The following SLC7A9 variants were observed in gnomAD, a reference collection of about 807,000 sequenced individuals.
SLC7A9 encodes the protein solute carrier family 7 member 9.
A neutral mutation model predicts 54.1 loss-of-function variants in SLC7A9; 38 were observed. The observed-to-expected ratio is 0.70, with a 90% confidence interval of 0.54 to 0.92. The LOEUF (loss-of-function observed/expected upper bound fraction) is 0.92. SLC7A9 is among the 40% of genes least tolerant of loss of function. The pLI, the probability that SLC7A9 is intolerant of heterozygous loss-of-function variation, is 0.00. For missense variants in SLC7A9, 537 were observed against 636.1 expected, an observed-to-expected ratio of 0.84 and a Z score of 1.68; for synonymous variants, 264 against 258.9, an observed-to-expected ratio of 1.02 and a Z score of -0.19.
chr19:32,834,659 A>G (rs189635917), intron 11 of SLC7A9, among the ~76,000 whole-genome samples: 2 of 152,124 alleles, frequency 1.3e-5, no homozygotes, highest in Non-Finnish European at 2.9e-5. Flanking sequence ...GGGTGATTGG[A>G]GTACTCATTA....
At chr19:32,864,032 G>A (rs978763573) in intron 4 of SLC7A9, 64 bp downstream of exon 4, 18 of 1,609,524 alleles carry the variant, frequency 1.1e-5, no homozygotes, top group Admixed American at 3.3e-5. Context: ...AGCTGAGGGC[G>A]GAGTCCCCAG....
chr19:32,862,663 TTTTTA>T (rs1396291424), intron 4 of SLC7A9, 77 bp from the exon 5 acceptor site: 5 of 1,310,324 alleles, frequency 3.8e-6, no homozygotes, highest in East Asian at 2.8e-5. Context: ...TTTTATATAT[TTTTTA>T]TTTTTTTTTT....
At chr19:32,835,076 C>T (rs1215878816) in intron 11 of SLC7A9, among the ~76,000 whole-genome samples, 1 of 152,228 alleles carries the variant, frequency 6.6e-6, no homozygotes, top group Non-Finnish European at 1.5e-5. Flanking sequence ...AGGCATGAGC[C>T]AATCACACCC....
chr19:32,855,154 G>A (rs1453668623), intron 9 of SLC7A9, among the ~76,000 whole-genome samples: 2 of 152,180 alleles, frequency 1.3e-5, no homozygotes, highest in Non-Finnish European at 2.9e-5. Context: ...TGACAACAGA[G>A]ATGACTCTAG....
rs1294838201 is a variant in SLC7A9, at chr19:32,864,121, CACA to C, written c.450_452del (p.Val151del). 1.9e-6 allele frequency: 3 copies of C among 1,614,086 alleles called. No homozygotes were observed. The highest frequency in any genetic ancestry group is 1.1e-5 in the South Asian group (1 of 91,086). On this transcript the variant is annotated inframe_deletion, in exon 4 of 13. Coordinates refer to ENST00000023064, the MANE Select transcript of SLC7A9 (RefSeq NM_014270.5). ...AGATGGCGGCGGCGGCCAGGCATTT[CACA>C]ACGATTTGAGGAGGCTTGCAGCCCA...
At chr19:32,854,202 A>G (rs1361977878) in intron 9 of SLC7A9, among the ~76,000 whole-genome samples, 1 of 152,016 alleles carries the variant, frequency 6.6e-6, no homozygotes, top group Non-Finnish European at 1.5e-5. Context: ...TTTTGTAGAC[A>G]TGGGGTCTCA....
At chr19:32,863,487 G>A (rs1274071898) in intron 4 of SLC7A9, among the ~76,000 whole-genome samples, 1 of 151,968 alleles carries the variant, frequency 6.6e-6, no homozygotes, top group African/African-American at 2.4e-5. Flanking sequence ...AGCCTCCCAC[G>A]TAGCTGGGAC....
chr19:32,859,815 G>T (rs375756026), intron 8 of SLC7A9, 26 bp downstream of exon 8: 1 of 1,588,714 alleles, frequency 6.3e-7, no homozygotes, highest in African/African-American at 1.3e-5. Context: ...CACAGCCCCC[G>T]CCAGCAGCGA....
chr19:32,854,467 T>C (rs913587225), intron 9 of SLC7A9, among the ~76,000 whole-genome samples: 1 of 152,110 alleles, frequency 6.6e-6, no homozygotes, highest in African/African-American at 2.4e-5. Flanking sequence ...CAGAATGAAA[T>C]TGGACCCTTA....
At chr19:32,864,401 C>G in intron 3 of SLC7A9, 63 bp from the exon 4 acceptor site, 2 of 1,606,536 alleles carry the variant, frequency 1.2e-6, no homozygotes, top group Non-Finnish European at 1.7e-6. Context: ...CCCCAGGGAG[C>G]CTTCCTCCCA....
Position 32,862,466 on chromosome 19 carries a change from G to T in SLC7A9, c.599C>A (p.Ala200Asp), listed in dbSNP as rs768883865. Residue 200 changes from alanine (A) to aspartate (D), a missense_variant, in exon 5 of 13, where the codon GCC (alanine) becomes GAC (aspartate). Coordinates refer to ENST00000023064, the MANE Select transcript of SLC7A9 (RefSeq NM_014270.5). The stretch of plus-strand genomic sequence containing the variant: ...CCCACCCTCCCGTGGGTCACCTTGG[G>T]CCAGGAGCACCAGCCCGCTGATGAT... ...IIIISGLVLL[A>D]QGNTKNFDNS... is the part of the protein sequence containing the mutation. 6.2e-7 allele frequency: 1 copy of T among 1,612,878 alleles called. No individual in the cohort carries two copies. The highest frequency in any genetic ancestry group is 1.1e-5 in the South Asian group (1 of 91,006).
rs1267924211 is a variant in SLC7A9, at chr19:32,830,559, A to G, written c.*61T>C. ...ATTCGTAAGAAAAAAAGGAAGAAATAACCACAAATATTGCTTAAGAAAATA... is the reference window on the plus strand; with the variant it reads ...ATTCGTAAGAAAAAAAGGAAGAAATGACCACAAATATTGCTTAAGAAAATA... On this transcript the variant is annotated 3_prime_UTR_variant, in exon 13 of 13. Coordinates refer to ENST00000023064, the MANE Select transcript of SLC7A9 (RefSeq NM_014270.5). 1 of 1,281,750 alleles carries G rather than the reference A, an allele frequency of 7.8e-7. No homozygotes were observed. The highest frequency in any genetic ancestry group is 1.1e-6 in the Non-Finnish European group (1 of 877,790). 79.4% of individuals were successfully genotyped at this position (1,281,750 alleles called of 1,614,324 possible).
chr19:32,833,441 A>G (rs1967866811), intron 11 of SLC7A9, 118 bp from the exon 12 acceptor site: 2 of 934,790 alleles, frequency 2.1e-6, no homozygotes, highest in Non-Finnish European at 3.4e-6. Context: ...AATTTCAATC[A>G]TTTTAATGTA....
At position 32,864,249 on chromosome 19, in the gene SLC7A9, C is replaced by T. The variant is rs750849536; in HGVS notation, c.325G>A (p.Ala109Thr). Residue 109 changes from alanine (A) to threonine (T), a missense_variant, in exon 4 of 13, where the codon GCC becomes ACC. Physicochemically the swap from Ala to Thr is moderately conservative, Grantham distance 58. Transcript: ENST00000023064. ...YLMEAYGPIPAYLFSWASLIV... is the reference protein window; with the variant it reads ...YLMEAYGPIPTYLFSWASLIV... ...AGGCTGGCCCAGGAGAAGAGGTAGGCGGGGATGGGCCCGTAGGCCTCCATC... is the reference window on the plus strand; with the variant it reads ...AGGCTGGCCCAGGAGAAGAGGTAGGTGGGGATGGGCCCGTAGGCCTCCATC... 2.4e-5 allele frequency: 38 copies of T among 1,614,018 alleles called. No homozygotes were observed. The highest frequency in any genetic ancestry group is 2.9e-5 in the Non-Finnish European group (34 of 1,180,018).
chr19:32,864,646 C>A lies in SLC7A9; in HGVS notation c.218G>T (p.Gly73Val). The A allele has an allele frequency of 6.2e-7, 1 of 1,613,902 alleles. No individual in the cohort carries two copies. Among genetic ancestry groups the A allele is most frequent in the Non-Finnish European group, 8.5e-7 (1 of 1,180,040 alleles). ...GPCLIIWAACGVLATLGALCF... is the reference protein window; with the variant it reads ...GPCLIIWAACVVLATLGALCF... The stretch of plus-strand genomic sequence containing the variant: ...CTCTTTACCCAGCGTCGCGAGGACC[C>A]CGCAAGCCGCCCATATGATGAGGCA... The change falls in exon 3 of 13, where the codon GGG (glycine) becomes GTG (valine). Residue 73 changes from glycine (G) to valine (V), a missense_variant. Coordinates refer to ENST00000023064, the MANE Select transcript of SLC7A9 (RefSeq NM_014270.5).
intron 1 of SLC7A9, 107 bp from the exon 2 acceptor site, chr19:32,868,752 G>T: frequency 1.6e-6 from 1 of 618,020 alleles, no homozygotes. Flanking sequence ...ACATTGTCCA[G>T]GCAGGGGAAC....
At chr19:32,863,508 T>C (rs1339075090) in intron 4 of SLC7A9, among the ~76,000 whole-genome samples, 1 of 152,036 alleles carries the variant, frequency 6.6e-6, no homozygotes. Flanking sequence ...GCCAGGTGCA[T>C]GCCACCATAC....
intron 11 of SLC7A9, among the ~76,000 whole-genome samples, chr19:32,841,294 C>A (rs1268687552): frequency 6.6e-6 from 1 of 152,012 alleles, no homozygotes; most frequent in Non-Finnish European, 1.5e-5. Flanking sequence ...TAAAATTCTA[C>A]TTCATCCTTA....
At position 32,862,454 on chromosome 19, in the gene SLC7A9, G is replaced by A. The variant is rs1968828855; in HGVS notation, c.604+7C>T. ...GCCCGTGCAGGGCCCACCCTCCCGTGGGTCACCTTGGGCCAGGAGCACCAG... is the reference window on the plus strand; with the variant it reads ...GCCCGTGCAGGGCCCACCCTCCCGTAGGTCACCTTGGGCCAGGAGCACCAG... On this transcript the variant is annotated splice_region_variant and intron_variant, in intron 5 of 12. Transcript: ENST00000023064. 1 of 1,612,670 alleles carries A rather than the reference G, an allele frequency of 6.2e-7. No homozygotes were observed. The highest frequency in any genetic ancestry group is 8.5e-7 in the Non-Finnish European group (1 of 1,179,996).
Sources: gnomAD v4.1 joint callset for allele counts (sites outside exome capture counted in the v4.1 genomes callset) on GRCh38, gnomAD v4.1.1 for gene constraint, MANE v1.5 for transcripts, NCBI Gene and HGNC (gene_info 2026-07-23, HGNC 2026-07-21) for gene names.